MYO10: variants seen among roughly 807,000 people sequenced by gnomAD.
The protein encoded by MYO10 is unconventional myosin-X.
MYO10 carries 133 observed loss-of-function variants against 257.3 expected under a neutral mutation model. The ratio of observed to expected loss-of-function variants is 0.52; its 90% CI spans 0.45 to 0.60. The LOEUF is 0.60. Among genes scored for constraint, MYO10 ranks in the 20% least tolerant of loss-of-function variants. The pLI is 0.00. For missense variants in MYO10, 2,399 were observed against 2,635.7 expected, an observed-to-expected ratio of 0.91 and a Z score of 1.97; for synonymous variants, 1,104 against 1,028.6, an observed-to-expected ratio of 1.07 and a Z score of -1.40.
intron 2 of MYO10, among the ~76,000 whole-genome samples, chr5:16,868,432 G>A (rs1415458112): frequency 2.0e-5 from 3 of 152,020 alleles, no homozygotes; most frequent in Admixed American, 6.6e-5. Context: ...GTGAAACCCC[G>A]CCTCTACTAA....
At chr5:16,905,117 G>A (rs566507447) in intron 1 of MYO10, among the ~76,000 whole-genome samples, 1 of 152,296 alleles carries the variant, frequency 6.6e-6, no homozygotes, top group African/African-American at 2.4e-5. Flanking sequence ...ACATCAGGCA[G>A]CAAATCTCGC....
chr5:16,667,641 T>G (rs1736236427), intron 40 of MYO10, among the ~76,000 whole-genome samples: 1 of 151,678 alleles, frequency 6.6e-6, no homozygotes, highest in African/African-American at 2.4e-5. Flanking sequence ...CAATGCCACA[T>G]CCTCCAAGCA....
In MYO10 at chr5:16,666,380, G is replaced by T; in HGVS notation, c.*312C>A. 2.1e-5 allele frequency: 6 copies of T among 290,188 alleles called. No individual in the cohort carries two copies. Among genetic ancestry groups the T allele is most frequent in the Non-Finnish European group, 2.6e-5 (4 of 156,748 alleles). 18.0% of individuals were successfully genotyped at this position (290,188 alleles called of 1,614,324 possible). ...AGCACAGTTACGGTCGATTAGTGTTGGTTCCACAAGTTAAGGCACTTCCGG... is the reference window on the plus strand; with the variant it reads ...AGCACAGTTACGGTCGATTAGTGTTTGTTCCACAAGTTAAGGCACTTCCGG... On this transcript the variant is annotated 3_prime_UTR_variant, in exon 41 of 41. Transcript: ENST00000513610.
At chr5:16,672,107 C>T (rs1324295072) in intron 37 of MYO10, among the ~76,000 whole-genome samples, 1 of 152,054 alleles carries the variant, frequency 6.6e-6, no homozygotes, top group African/African-American at 2.4e-5. Flanking sequence ...CTAGCCTGAC[C>T]AACATGGCCA....
chr5:16,757,317 C>CACAA lies in MYO10; in HGVS notation c.1848+800_1848+801insTTGT, dbSNP rs1491209651. ...ACACACACAAACACACACACACACG[C>CACAA]ACACACACACACACACACACACACA... On this transcript the variant is annotated intron_variant, in intron 18 of 40. Coordinates refer to ENST00000513610, the MANE Select transcript of MYO10 (RefSeq NM_012334.3). Among the ~76,000 whole-genome samples, 57 of 23,240 alleles carry CACAA rather than the reference C, an allele frequency of 2.5e-3. 1 individual carries two copies. Among genetic ancestry groups the CACAA allele is most frequent in the African/African-American group, 8.2e-3 (54 of 6,550 alleles). The allele number at this position is 23,240 out of a possible 152,430, so 15.2% of individuals were successfully genotyped here.
At chr5:16,808,736 A>G (rs1742347008) in intron 3 of MYO10, among the ~76,000 whole-genome samples, 1 of 152,118 alleles carries the variant, frequency 6.6e-6, no homozygotes. Flanking sequence ...CAGTGGCACA[A>G]TCTCGGCTCA....
At chr5:16,848,151 A>ATTTCTTTTTTTTTT (rs1561016487) in intron 2 of MYO10, among the ~76,000 whole-genome samples, 5 of 91,664 alleles carry the variant, frequency 5.5e-5, no homozygotes, top group African/African-American at 3.0e-4. Context: ...AGAACTACAC[A>ATTTCTTTTTTTTTT]TTTCTTTTTT....
chr5:16,736,504 C>G (rs1464827056), intron 19 of MYO10, among the ~76,000 whole-genome samples: 7 of 152,148 alleles, frequency 4.6e-5, no homozygotes, highest in Admixed American at 4.6e-4. Context: ...TGTTAGAAGC[C>G]TGGAAATCCC....
In MYO10 at chr5:16,662,127, G is replaced by C. The variant is rs1180248931; in HGVS notation, c.*4565C>G. On this transcript the variant is annotated 3_prime_UTR_variant, in exon 41 of 41. Transcript: ENST00000513610. The stretch of plus-strand genomic sequence containing the variant: ...TGGCTAAATTTAGCTTTATGCACTT[G>C]TTTTGTCCCCTATTACAGTATAAAC... 6.6e-6 allele frequency: 1 copy of C among 152,028 alleles called. No individual in the cohort carries two copies. The highest frequency in any genetic ancestry group is 1.5e-5 in the Non-Finnish European group (1 of 68,002). The allele number at this position is 152,028 out of a possible 1,614,324, so 9.4% of individuals were successfully genotyped here.
At chr5:16,796,442 C>CGAAAGAAAGAAAAGAAAGACGAA (rs1553997256) in intron 3 of MYO10, among the ~76,000 whole-genome samples, 1 of 120,764 alleles carries the variant, frequency 8.3e-6, no homozygotes, top group Non-Finnish European at 1.7e-5. Context: ...AAAAGAAAGA[C>CGAAAGAAAGAAAAGAAAGACGAA]AGAAAGAAAG....
rs1736573191 is a variant in MYO10, at chr5:16,673,572, C to T, written c.5172+110G>A. The T allele has an allele frequency of 5.6e-5, 67 of 1,187,684 alleles. No individual in the cohort carries two copies. The South Asian group carries it at 9.1e-4, about 16-fold the overall frequency. The allele number at this position is 1,187,684 out of a possible 1,614,324, so 73.6% of individuals were successfully genotyped here. A position where few individuals can be genotyped will look rare whatever the true frequency, so the allele number is the denominator to read the frequency against. ...CCTTAGTATTGAGAGCTGTACTAAG[C>T]AAACTGCAACTGTGCAGGACAGCCA... On this transcript the variant is annotated intron_variant, in intron 36 of 40. Transcript: ENST00000513610.
rs1009611535 is a variant in MYO10 at position 16,664,027 on chromosome 5, C to T, written c.*2665G>A. ...AAAAGCAGTAAAATTGGAATAGGTT[C>T]TGTGGCTAGGGGAAGCTCAACGGTA... is the stretch of plus-strand genomic sequence containing the variant. On this transcript the variant is annotated 3_prime_UTR_variant, in exon 41 of 41. Transcript: ENST00000513610. 6 of 152,090 alleles carry T rather than the reference C, an allele frequency of 3.9e-5. No homozygotes were observed. The highest frequency in any genetic ancestry group is 3.3e-4 in the Admixed American group (5 of 15,256). The allele number at this position is 152,090 out of a possible 1,614,324, so 9.4% of individuals were successfully genotyped here. A position where few individuals can be genotyped will look rare whatever the true frequency, so the allele number is the denominator to read the frequency against.
At chr5:16,692,550 A>G (rs1737556249) in intron 27 of MYO10, among the ~76,000 whole-genome samples, 1 of 152,222 alleles carries the variant, frequency 6.6e-6, no homozygotes, top group Admixed American at 6.5e-5. Context: ...ATGTATTAGA[A>G]TGTTTAAATA....
At chr5:16,759,630 G>T (rs560547787) in intron 17 of MYO10, among the ~76,000 whole-genome samples, 1 of 152,290 alleles carries the variant, frequency 6.6e-6, no homozygotes, top group African/African-American at 2.4e-5. Flanking sequence ...TGGCACAGAG[G>T]CAGCTGGCGA....
intron 3 of MYO10, among the ~76,000 whole-genome samples, chr5:16,802,827 G>A (rs1052036570): frequency 1.7e-4 from 26 of 151,856 alleles, no homozygotes; most frequent in South Asian, 1.0e-3. Flanking sequence ...TAAATAAAAA[G>A]TTTTAGAGGT....
At chr5:16,907,746 T>G (rs559516106) in intron 1 of MYO10, among the ~76,000 whole-genome samples, 2 of 152,190 alleles carry the variant, frequency 1.3e-5, no homozygotes, top group African/African-American at 4.8e-5. Context: ...GTAACTATCA[T>G]AGAAAACATA....
At position 16,670,940 on chromosome 5, in the gene MYO10, C is replaced by T. The variant is rs376842819; in HGVS notation, c.5469G>A (p.Pro1823=). Residue 1823 remains proline, a synonymous_variant, in exon 39 of 41, where the codon CCG becomes CCA. Transcript: ENST00000513610. Reference sequence around the variant, plus strand: ...CAGCAAGAACCTGGAGGTTTTCTTCCGGGGCTGGATGGTGGCCATGGATAA... The same window carrying T: ...CAGCAAGAACCTGGAGGTTTTCTTCTGGGGCTGGATGGTGGCCATGGATAA... ...EAVIHGHHPA[P]EENLQVLAAL... is the part of the protein sequence containing the mutation. 37 of 1,613,038 alleles carry T rather than the reference C, an allele frequency of 2.3e-5. No individual in the cohort carries two copies. Among genetic ancestry groups the T allele is most frequent in the African/African-American group, 1.9e-4 (14 of 74,906 alleles).
At chr5:16,750,094 G>A (rs1029843024) in intron 19 of MYO10, among the ~76,000 whole-genome samples, 6 of 152,096 alleles carry the variant, frequency 3.9e-5, no homozygotes, top group Admixed American at 1.3e-4. Flanking sequence ...ACGAAAACTC[G>A]TGGAATGGAG....
chr5:16,744,785 TA>T (rs572849530), intron 19 of MYO10, among the ~76,000 whole-genome samples: 136 of 144,958 alleles, frequency 9.4e-4, no homozygotes, highest in Middle Eastern at 3.5e-3. Flanking sequence ...AGCAAAGCTC[TA>T]AAAAAAAAAA....
Sources: allele counts gnomAD v4.1 joint callset (sites outside exome capture counted in the v4.1 genomes callset), GRCh38; gene constraint gnomAD v4.1.1; transcripts MANE v1.5; gene names NCBI Gene and HGNC (gene_info 2026-07-23, HGNC 2026-07-21).